Variants in NTNG1 observed in about 807,000 individuals in gnomAD.
NTNG1 encodes the protein netrin G1, also known as netrin-G1.
Under a neutral mutation model 54.0 loss-of-function variants are expected in NTNG1, and 16 were observed. The observed-to-expected ratio is 0.30, with a 90% CI of 0.20 to 0.45. NTNG1 has a LOEUF of 0.45. Ranked by LOEUF, NTNG1 falls within the 20% of genes least tolerant of loss-of-function variation. The pLI, the probability that NTNG1 is intolerant of heterozygous loss-of-function variation, is 1.00. For missense variants in NTNG1, 530 were observed against 678.7 expected (o/e 0.78, Z 2.43); for synonymous variants, 255 against 263.1 (o/e 0.97, Z 0.30).
chr1:107,280,034 G>GGTGTGTGTGTGTGTGTGT lies in NTNG1; in HGVS notation c.247-44231_247-44214dup, dbSNP rs58563513. Among the ~76,000 whole-genome samples, 228 of 146,534 alleles carry GGTGTGTGTGTGTGTGTGT rather than the reference G, an allele frequency of 1.6e-3. 1 individual carries two copies. Among genetic ancestry groups the GGTGTGTGTGTGTGTGTGT allele is most frequent in the African/African-American group, 5.5e-3 (218 of 39,556 alleles). On this transcript the variant is annotated intron_variant, in intron 2 of 7. Transcript: ENST00000370068. ...ACTTCTGAATTCCTGTTCCTTTGTT[G>GGTGTGTGTGTGTGTGTGT]GTGTGTGTGTGTGTGTGTGTGTGTG...
At chr1:107,284,869 G>A (rs3125666) in intron 2 of NTNG1, among the ~76,000 whole-genome samples, 53 of 151,858 alleles carry the variant, frequency 3.5e-4, no homozygotes, top group African/African-American at 1.3e-3. Context: ...CAGAATTAAC[G>A]CTAACTTATT....
intron 2 of NTNG1, among the ~76,000 whole-genome samples, chr1:107,183,537 C>T (rs1450169876): frequency 1.3e-5 from 2 of 152,028 alleles, no homozygotes; most frequent in Non-Finnish European, 2.9e-5. Context: ...GTAACAAGCA[C>T]TAGTATTAAA....
chr1:107,179,648 A>G (rs1232254869), intron 2 of NTNG1, among the ~76,000 whole-genome samples: 1 of 152,094 alleles, frequency 6.6e-6, no homozygotes, highest in Non-Finnish European at 1.5e-5. Context: ...ACACAGGTAA[A>G]CTTGTGTCAT....
At chr1:107,376,354 G>T (rs547760112) in intron 3 of NTNG1, among the ~76,000 whole-genome samples, 143 of 151,910 alleles carry the variant, frequency 9.4e-4, no homozygotes, top group African/African-American at 3.4e-3. Context: ...CTTACAGTGA[G>T]CCGAGGTCGC....
chr1:107,452,800 C>T (rs1676704242), intron 7 of NTNG1, among the ~76,000 whole-genome samples: 1 of 152,142 alleles, frequency 6.6e-6, no homozygotes, highest in Non-Finnish European at 1.5e-5. Flanking sequence ...CCTGGAGAAC[C>T]ATAAGCTAAA....
At chr1:107,294,011 A>T (rs185939179) in intron 2 of NTNG1, among the ~76,000 whole-genome samples, 5 of 152,312 alleles carry the variant, frequency 3.3e-5, no homozygotes, top group Admixed American at 6.5e-5. Flanking sequence ...AGAAAGAGTA[A>T]ATCAGACAGG....
intron 3 of NTNG1, among the ~76,000 whole-genome samples, chr1:107,346,306 G>A (rs17018810): frequency 0.087 from 13,190 of 152,168 alleles, 679 homozygotes; most frequent in East Asian, 0.16. Context: ...GCTGGCCAGA[G>A]GCAAAGTGGT....
rs1485821991 is a variant in NTNG1 at position 107,314,430 on chromosome 1, AAT to A, written c.247-9850_247-9849del. 1.3e-3 allele frequency among the ~76,000 whole-genome samples: 196 copies of A among 151,660 alleles called. 1 individual carries two copies. The highest frequency in any genetic ancestry group is 4.6e-3 in the African/African-American group (191 of 41,164). On this transcript the variant is annotated intron_variant, in intron 2 of 7. Transcript: ENST00000370068. ...AAATAAATAAATAAATAAATAAATA[AAT>A]AAATAAATAAATAAAAATGAGATAC...
intron 2 of NTNG1, among the ~76,000 whole-genome samples, chr1:107,245,438 A>G (rs1662131690): frequency 6.6e-6 from 1 of 152,166 alleles, no homozygotes; most frequent in African/African-American, 2.4e-5. Context: ...CCATCAGCCT[A>G]TTTGGCTATT....
rs765725636 is a variant in NTNG1 at position 107,324,267 on chromosome 1, G to A, written c.247-15G>A. On this transcript the variant is annotated splice_polypyrimidine_tract_variant and intron_variant, in intron 2 of 7. Coordinates refer to ENST00000370068, the MANE Select transcript of NTNG1 (RefSeq NM_001113226.3). ...CCAGTGTTTTGATGCACGCTCTTTT[G>A]TTCTTCTTCCATAGGGCAATCCCTA... 28 of 1,607,844 alleles carry A rather than the reference G, an allele frequency of 1.7e-5. No individual in the cohort carries two copies. The highest frequency in any genetic ancestry group is 2.4e-5 in the Non-Finnish European group (28 of 1,175,444).
At chr1:107,385,885 G>T (rs897499554) in intron 3 of NTNG1, among the ~76,000 whole-genome samples, 4 of 148,360 alleles carry the variant, frequency 2.7e-5, no homozygotes, top group Non-Finnish European at 6.0e-5. Flanking sequence ...TATTCAAAAT[G>T]TTGTGCAACC....
intron 3 of NTNG1, among the ~76,000 whole-genome samples, chr1:107,358,606 CTG>C (rs1211158923): frequency 1.3e-5 from 2 of 151,102 alleles, no homozygotes; most frequent in Admixed American, 1.3e-4. Context: ...TTTAGTGTAT[CTG>C]TTTTGAAAGT....
chr1:107,392,885 A>G (rs1672453624), intron 3 of NTNG1, among the ~76,000 whole-genome samples: 1 of 152,144 alleles, frequency 6.6e-6, no homozygotes, highest in South Asian at 2.1e-4. Flanking sequence ...AGAAGAGTAG[A>G]ACTCAGGGTT....
chr1:107,335,649 A>G (rs1668532629), intron 3 of NTNG1, among the ~76,000 whole-genome samples: 1 of 151,406 alleles, frequency 6.6e-6, no homozygotes, highest in South Asian at 2.1e-4. Flanking sequence ...ATTTTTATCT[A>G]ATTAGTTATG....
intron 1 of NTNG1, chr1:107,143,089 G>T (rs552542033): frequency 6.6e-6 from 1 of 151,986 alleles, no homozygotes; most frequent in Admixed American, 6.5e-5. Flanking sequence ...TCTGGATGCC[G>T]TGAAATGAGA....
At chr1:107,443,483 T>C (rs1676107285) in intron 7 of NTNG1, among the ~76,000 whole-genome samples, 1 of 152,110 alleles carries the variant, frequency 6.6e-6, no homozygotes, top group Non-Finnish European at 1.5e-5. Context: ...ATGCTTCCAA[T>C]TGCCTCTGTG....
intron 1 of NTNG1, among the ~76,000 whole-genome samples, chr1:107,145,142 A>G (rs549619114): frequency 1.4e-4 from 22 of 152,256 alleles, no homozygotes; most frequent in African/African-American, 5.3e-4. Context: ...CTAGCTTTTA[A>G]GAAGCTATTG....
intron 7 of NTNG1, among the ~76,000 whole-genome samples, chr1:107,463,279 C>A (rs77259015): frequency 0.025 from 3,878 of 152,270 alleles, 122 homozygotes; most frequent in East Asian, 0.17. Context: ...ACTGAAAATC[C>A]TTTCCTTTTT....
intron 3 of NTNG1, among the ~76,000 whole-genome samples, chr1:107,378,418 GTCAGACACT>G (rs1384743629): frequency 2.6e-5 from 4 of 152,140 alleles, no homozygotes; most frequent in Admixed American, 6.5e-5. Flanking sequence ...AAAAATCAGG[GTCAGACACT>G]TCAAATCAAA....
Sources: allele counts gnomAD v4.1 joint callset (sites outside exome capture counted in the v4.1 genomes callset), GRCh38; gene constraint gnomAD v4.1.1; transcripts MANE v1.5; gene names NCBI Gene and HGNC (gene_info 2026-07-23, HGNC 2026-07-21).